TRIP12: variants seen among roughly 807,000 people sequenced by gnomAD.
The protein encoded by TRIP12 is thyroid hormone receptor interactor 12, also known as E3 ubiquitin-protein ligase TRIP12.
A neutral mutation model predicts 244.2 loss-of-function variants in TRIP12; 25 were observed. The ratio of observed to expected loss-of-function variants is 0.10; its 90% CI spans 0.07 to 0.14. TRIP12 has a LOEUF of 0.14. Among genes scored for constraint, TRIP12 ranks in the 10% least tolerant of loss-of-function variants. TRIP12 has a pLI of 1.00. For missense variants in TRIP12, 1,677 were observed against 2,486.4 expected, an observed-to-expected ratio of 0.67 and a Z score of 6.92; for synonymous variants, 905 against 873.1, an observed-to-expected ratio of 1.04 and a Z score of -0.64.
chr2:229,881,916 AT>A (rs529647806), intron 1 of TRIP12, among the ~76,000 whole-genome samples: 12 of 152,214 alleles, frequency 7.9e-5, no homozygotes, highest in Non-Finnish European at 1.5e-4. Flanking sequence ...GGAAGAAATC[AT>A]TTTTGTTGTC....
intron 2 of TRIP12, among the ~76,000 whole-genome samples, chr2:229,869,569 T>C (rs1000526286): frequency 1.6e-4 from 25 of 152,174 alleles, no homozygotes; most frequent in Non-Finnish European, 3.4e-4. Flanking sequence ...GCTGGGTTGC[T>C]TTCTGGGTTC....
At chr2:229,787,039 G>A (rs530128843) in intron 33 of TRIP12, among the ~76,000 whole-genome samples, 248 of 152,334 alleles carry the variant, frequency 1.6e-3, no homozygotes, top group African/African-American at 5.6e-3. Flanking sequence ...AGCAATACTG[G>A]AGCTAACTGG....
intron 34 of TRIP12, among the ~76,000 whole-genome samples, chr2:229,781,164 G>A (rs115887533): frequency 0.018 from 2,760 of 152,218 alleles, 72 homozygotes; most frequent in African/African-American, 0.059. Context: ...ACCTGGGGGT[G>A]GCCAGCACCC....
intron 30 of TRIP12, among the ~76,000 whole-genome samples, chr2:229,790,682 G>C (rs931873808): frequency 3.3e-5 from 5 of 152,260 alleles, no homozygotes; most frequent in African/African-American, 1.2e-4. Flanking sequence ...AAGTCTATTA[G>C]AAAGTGACGG....
intron 6 of TRIP12, 68 bp from the exon 7 acceptor site, chr2:229,830,907 GA>G: frequency 6.7e-7 from 1 of 1,489,718 alleles, no homozygotes; most frequent in Non-Finnish European, 9.3e-7. Context: ...GCTTACCTTA[GA>G]AAAACCAAAG....
intron 24 of TRIP12, 100 bp from the exon 25 acceptor site, chr2:229,796,882 C>A: frequency 1.7e-6 from 2 of 1,154,268 alleles, no homozygotes; most frequent in South Asian, 1.8e-5. Context: ...ATTCTCAACG[C>A]CCTTAAAAAA....
At position 229,796,600 on chromosome 2, in the gene TRIP12, A is replaced by G. The variant is rs750850258; in HGVS notation, c.3807T>C (p.Phe1269=). The change falls in exon 25 of 42, where the codon TTT becomes TTC. Residue 1269 remains phenylalanine, a synonymous_variant. Transcript: ENST00000675903. ...IRLKRFLHVF[F]SSPLPGEEPI... is the part of the protein sequence containing the mutation. The stretch of plus-strand genomic sequence containing the variant: ...TTATTAGATAACTTACTGGAGAAGA[A>G]AAAAATACATGAAGAAATCGCTTTA... 2 of 1,589,488 alleles carry G rather than the reference A, an allele frequency of 1.3e-6. No individual in the cohort carries two copies. The highest frequency in any genetic ancestry group is 1.7e-6 in the Non-Finnish European group (2 of 1,171,908).
At chr2:229,912,173 A>G (rs1415726200) in intron 1 of TRIP12, among the ~76,000 whole-genome samples, 1 of 152,214 alleles carries the variant, frequency 6.6e-6, no homozygotes, top group Non-Finnish European at 1.5e-5. Context: ...GCTTCTGCTT[A>G]TTTAACATTT....
At chr2:229,780,681 C>T (rs960045095) in intron 34 of TRIP12, among the ~76,000 whole-genome samples, 9 of 152,230 alleles carry the variant, frequency 5.9e-5, no homozygotes, top group Non-Finnish European at 8.8e-5. Context: ...TTCCCCCAGA[C>T]GCAATGACTT....
intron 1 of TRIP12, among the ~76,000 whole-genome samples, chr2:229,899,276 A>G (rs910893405): frequency 1.3e-5 from 2 of 152,222 alleles, no homozygotes; most frequent in Non-Finnish European, 2.9e-5. Flanking sequence ...GCCACAGGGA[A>G]TAGAAAAATA....
At chr2:229,846,278 A>C (rs1192695235) in intron 4 of TRIP12, among the ~76,000 whole-genome samples, 1 of 151,490 alleles carries the variant, frequency 6.6e-6, no homozygotes, top group Non-Finnish European at 1.5e-5. Context: ...TCAACGCTGC[A>C]AACTTTATCG....
At position 229,859,376 on chromosome 2, in the gene TRIP12, T is replaced by C. The variant is rs753704871; in HGVS notation, c.423A>G (p.Glu141=). 2 of 1,614,192 alleles carry C rather than the reference T, an allele frequency of 1.2e-6. No homozygotes were observed. Among genetic ancestry groups the C allele is most frequent in the Non-Finnish European group, 8.5e-7 (1 of 1,180,034 alleles). Residue 141 remains glutamate (E), a synonymous_variant, in exon 4 of 42, where the codon GAA becomes GAG. Coordinates refer to ENST00000675903, the MANE Select transcript of TRIP12 (RefSeq NM_001348323.3). ...GTGGCTTATTTGTTTCTGAGGGAGATTCAGTATGCTGAAGTGCTTTTGGTT... is the reference window on the plus strand; with the variant it reads ...GTGGCTTATTTGTTTCTGAGGGAGACTCAGTATGCTGAAGTGCTTTTGGTT... ...AKKPKALQHT[E]SPSETNKPHS...
At chr2:229,847,313 T>G (rs1184987516) in intron 4 of TRIP12, among the ~76,000 whole-genome samples, 1 of 152,212 alleles carries the variant, frequency 6.6e-6, no homozygotes, top group African/African-American at 2.4e-5. Flanking sequence ...TTAACGGACA[T>G]CAAATGTCTA....
chr2:229,860,283 A>T, intron 3 of TRIP12, 123 bp downstream of exon 3: 1 of 1,242,426 alleles, frequency 8.0e-7, no homozygotes, highest in Non-Finnish European at 1.1e-6. Flanking sequence ...CCTAAAAGTT[A>T]CTTAGAGAAT....
chr2:229,815,393 A>G (rs1272212026), intron 9 of TRIP12, 85 bp from the exon 10 acceptor site: 1 of 776,760 alleles, frequency 1.3e-6, no homozygotes, highest in Non-Finnish European at 2.0e-6. Flanking sequence ...TTGAACTTCA[A>G]CTGAAATGGA....
chr2:229,897,687 T>C (rs2069274942), intron 1 of TRIP12, among the ~76,000 whole-genome samples: 1 of 152,178 alleles, frequency 6.6e-6, no homozygotes, highest in African/African-American at 2.4e-5. Context: ...TTTTACAAAA[T>C]CTTCTTGCCT....
upstream of TRIP12, among the ~76,000 whole-genome samples, chr2:229,922,808 G>A (rs949852917): frequency 2.0e-5 from 3 of 152,194 alleles, no homozygotes; most frequent in Non-Finnish European, 4.4e-5. Flanking sequence ...CCCCGAGCCC[G>A]GCTAGTCCCT....
At chr2:229,767,937 T>C (rs935261865) in intron 41 of TRIP12, among the ~76,000 whole-genome samples, 187 bp from the exon 42 acceptor site, 8 of 152,206 alleles carry the variant, frequency 5.3e-5, no homozygotes, top group Admixed American at 5.2e-4. Flanking sequence ...ACTCGCTGTA[T>C]AACATGGAGG....
chr2:229,797,405 T>C lies in TRIP12; in HGVS notation c.3624+285A>G, dbSNP rs573655912. The stretch of plus-strand genomic sequence containing the variant: ...AGTTGAGGATGACTTAGAAAACAGA[T>C]GTGCTTGTGAGGACATTTCTGAAGT... On this transcript the variant is annotated intron_variant, in intron 24 of 41. Coordinates refer to ENST00000675903, the MANE Select transcript of TRIP12 (RefSeq NM_001348323.3). Among the ~76,000 whole-genome samples the C allele has an allele frequency of 2.6e-5, 4 of 152,300 alleles. No individual in the cohort carries two copies. The East Asian group carries it at 7.7e-4, about 29-fold the overall frequency.
Sources: gnomAD v4.1 joint callset for allele counts (sites outside exome capture counted in the v4.1 genomes callset) on GRCh38, gnomAD v4.1.1 for gene constraint, MANE v1.5 for transcripts, NCBI Gene and HGNC (gene_info 2026-07-23, HGNC 2026-07-21) for gene names.